RFX7: variants seen among roughly 807,000 people sequenced by gnomAD.
The protein encoded by RFX7 is regulatory factor X7.
In RFX7, 26 loss-of-function variants were observed where a neutral mutation model predicts 111.8. That is an observed-to-expected ratio of 0.23 (90% confidence interval 0.17 to 0.32). The LOEUF is 0.32. RFX7 is among the 10% of genes least tolerant of loss of function. The probability of loss-of-function intolerance (pLI) is 1.00; values close to 1 mark genes in which losing one functional copy is unlikely to be tolerated. For missense variants in RFX7, 1,573 were observed against 1,772.9 expected (o/e 0.89, Z 2.02); for synonymous variants, 624 against 624.4 (o/e 1.00, Z 0.01).
At chr15:56,110,405 G>A (rs1339790370) in intron 5 of RFX7, among the ~76,000 whole-genome samples, 4 of 118,868 alleles carry the variant, frequency 3.4e-5, no homozygotes, top group African/African-American at 6.3e-5. Context: ...CAGCCGCCCC[G>A]TCCGGGGGAG....
At chr15:56,154,065 T>C (rs1213978610) in intron 3 of RFX7, among the ~76,000 whole-genome samples, 2 of 152,080 alleles carry the variant, frequency 1.3e-5, no homozygotes, top group African/African-American at 4.8e-5. Context: ...TACCTAGGAA[T>C]ACAACTTACA....
At chr15:56,145,781 T>G (rs1278185162) in intron 3 of RFX7, among the ~76,000 whole-genome samples, 1 of 152,236 alleles carries the variant, frequency 6.6e-6, no homozygotes, top group Non-Finnish European at 1.5e-5. Flanking sequence ...GTCTCGATTT[T>G]TCACTGCCAC....
At position 56,197,029 on chromosome 15, in the gene RFX7, T is replaced by C. The variant is rs1047759494; in HGVS notation, c.162-17726A>G. ...ATACTCCATCAGCTGTGTATAAGAC[T>C]GATTTCTCTCTATCCTCTCCAAAAT... is the stretch of plus-strand genomic sequence containing the variant. On this transcript the variant is annotated intron_variant, in intron 2 of 9. Coordinates refer to ENST00000559447, the MANE Select transcript of RFX7 (RefSeq NM_022841.7). Among the ~76,000 whole-genome samples, 5 of 152,316 alleles carry C rather than the reference T, an allele frequency of 3.3e-5. No homozygotes were observed. The South Asian group carries it at 1.0e-3, about 32-fold the overall frequency.
At chr15:56,104,638 C>T (rs1164423466) in intron 5 of RFX7, among the ~76,000 whole-genome samples, 2 of 152,154 alleles carry the variant, frequency 1.3e-5, no homozygotes, top group Admixed American at 6.5e-5. Context: ...GATAACATCC[C>T]TAAAGTGACC....
intron 2 of RFX7, among the ~76,000 whole-genome samples, chr15:56,181,943 T>C (rs1352778845): frequency 2.0e-5 from 3 of 152,148 alleles, no homozygotes; most frequent in Non-Finnish European, 4.4e-5. Context: ...TAGATTCTCA[T>C]AGGAGCCTGT....
At chr15:56,102,401 A>G (rs1428290977) in intron 6 of RFX7, 148 bp from the exon 7 acceptor site, 1 of 524,384 alleles carries the variant, frequency 1.9e-6, no homozygotes, top group East Asian at 3.1e-5. Flanking sequence ...AAAAACCTTA[A>G]TATTAAAAAC....
At position 56,093,225 on chromosome 15, in the gene RFX7, C is replaced by T; in HGVS notation, c.*120G>A. On this transcript the variant is annotated 3_prime_UTR_variant, in exon 10 of 10. Transcript: ENST00000559447. ...TTTCCTACTGAAGAAACCACTTCTG[C>T]AGCAAACGCTTTTAAAATGTCACAA... 1 of 922,348 alleles carries T rather than the reference C, an allele frequency of 1.1e-6. No individual in the cohort carries two copies. The highest frequency in any genetic ancestry group is 1.6e-6 in the Non-Finnish European group (1 of 635,106). 57.1% of individuals were successfully genotyped at this position (922,348 alleles called of 1,614,324 possible).
chr15:56,168,084 T>C (rs34883690), intron 3 of RFX7, among the ~76,000 whole-genome samples: 1 of 152,214 alleles, frequency 6.6e-6, no homozygotes, highest in Non-Finnish European at 1.5e-5. Context: ...AGTCAGATTA[T>C]CTGAATTAAA....
At chr15:56,113,175 T>C (rs193060625) in intron 5 of RFX7, among the ~76,000 whole-genome samples, 14 of 152,322 alleles carry the variant, frequency 9.2e-5, no homozygotes, top group Admixed American at 9.1e-4. Flanking sequence ...GGAATATAAA[T>C]CATTCTATTA....
chr15:56,119,949 A>C (rs1234067668), intron 5 of RFX7, among the ~76,000 whole-genome samples: 4 of 152,174 alleles, frequency 2.6e-5, no homozygotes, highest in African/African-American at 9.6e-5. Context: ...TGATTAGTCC[A>C]GTTTTGTTCT....
chr15:56,098,038 T>C (rs1219902018), intron 9 of RFX7, 43 bp downstream of exon 9: 1 of 1,570,562 alleles, frequency 6.4e-7, no homozygotes, highest in Non-Finnish European at 8.7e-7. Flanking sequence ...ACAGTTGATT[T>C]CCCACCATCC....
At chr15:56,192,292 G>A (rs2043108322) in intron 2 of RFX7, 2 of 191,102 alleles carry the variant, frequency 1.0e-5, no homozygotes, top group South Asian at 2.5e-4. Flanking sequence ...GGCACTTTGG[G>A]TGCTGGCTGG....
At chr15:56,202,478 T>C (rs2043202654) in intron 2 of RFX7, among the ~76,000 whole-genome samples, 1 of 152,170 alleles carries the variant, frequency 6.6e-6, no homozygotes. Flanking sequence ...GGACAGTGTA[T>C]GTCTATGGCA....
At chr15:56,154,631 C>G (rs2042624842) in intron 3 of RFX7, among the ~76,000 whole-genome samples, 1 of 152,132 alleles carries the variant, frequency 6.6e-6, no homozygotes, top group African/African-American at 2.4e-5. Context: ...AAAATCAACT[C>G]AAGATGGATC....
chr15:56,124,041 G>A (rs1372726087), intron 5 of RFX7, among the ~76,000 whole-genome samples: 2 of 152,164 alleles, frequency 1.3e-5, no homozygotes, highest in African/African-American at 4.8e-5. Flanking sequence ...TTGTGTGTGT[G>A]TAGATAATTG....
chr15:56,176,578 C>T (rs568007244), intron 3 of RFX7, among the ~76,000 whole-genome samples: 1 of 152,070 alleles, frequency 6.6e-6, no homozygotes, highest in East Asian at 1.9e-4. Context: ...CTATTTCCAG[C>T]AAAACCATCT....
At chr15:56,233,190 G>A (rs1288980005) in intron 2 of RFX7, among the ~76,000 whole-genome samples, 1 of 152,198 alleles carries the variant, frequency 6.6e-6, no homozygotes, top group Non-Finnish European at 1.5e-5. Context: ...CCATGTGGAT[G>A]GGGAGGCCTC....
chr15:56,198,029 T>C (rs2043161255), intron 2 of RFX7, among the ~76,000 whole-genome samples: 1 of 152,192 alleles, frequency 6.6e-6, no homozygotes, highest in Admixed American at 6.5e-5. Context: ...GGCAATGATA[T>C]ATTCAGAACT....
chr15:56,214,672 A>G (rs76202595), intron 2 of RFX7, among the ~76,000 whole-genome samples: 19,359 of 150,154 alleles, frequency 0.13, 1,619 homozygotes, highest in East Asian at 0.44. Flanking sequence ...CTGAGATCGC[A>G]CCACTGCACT....
Sources: allele counts gnomAD v4.1 joint callset (sites outside exome capture counted in the v4.1 genomes callset), GRCh38; gene constraint gnomAD v4.1.1; transcripts MANE v1.5; gene names NCBI Gene and HGNC (gene_info 2026-07-23, HGNC 2026-07-21).